Variants in MAP2K6 observed in about 807,000 individuals in gnomAD.
MAP2K6 encodes mitogen-activated protein kinase kinase 6.
Under a neutral mutation model 53.7 loss-of-function variants are expected in MAP2K6, and 16 were observed. The observed-to-expected ratio is 0.30, with a 90% CI of 0.20 to 0.45. The LOEUF (loss-of-function observed/expected upper bound fraction) is 0.45, where lower values mean the gene tolerates loss of function less well. Among genes scored for constraint, MAP2K6 ranks in the 20% least tolerant of loss-of-function variants. The probability of loss-of-function intolerance (pLI) is 1.00; values close to 1 mark genes in which losing one functional copy is unlikely to be tolerated. For missense variants in MAP2K6, 204 were observed against 411.9 expected, an observed-to-expected ratio of 0.50 and a Z score of 4.37; for synonymous variants, 132 against 143.1, an observed-to-expected ratio of 0.92 and a Z score of 0.55.
chr17:69,480,519 A>T (rs143548179), intron 1 of MAP2K6, among the ~76,000 whole-genome samples: 53 of 152,350 alleles, frequency 3.5e-4, no homozygotes, highest in African/African-American at 1.2e-3. Flanking sequence ...CCTTTGGCAT[A>T]CAAGGAGGAA....
At chr17:69,420,274 A>T (rs1438988304) in intron 1 of MAP2K6, among the ~76,000 whole-genome samples, 2 of 152,196 alleles carry the variant, frequency 1.3e-5, no homozygotes, top group East Asian at 3.8e-4. Flanking sequence ...TTTATAAATA[A>T]TTCTTACATA....
intron 1 of MAP2K6, among the ~76,000 whole-genome samples, chr17:69,424,353 G>A (rs1226399717): frequency 6.6e-6 from 1 of 152,162 alleles, no homozygotes; most frequent in Non-Finnish European, 1.5e-5. Context: ...ACAAAGAAGT[G>A]CTAATTTCTA....
chr17:69,455,035 A>T (rs67621296), intron 1 of MAP2K6, among the ~76,000 whole-genome samples: 1,509 of 130,200 alleles, frequency 0.012, 29 homozygotes, highest in African/African-American at 0.036. Context: ...TACTATTATT[A>T]TTTTTTTTTT....
chr17:69,463,342 ATAT>A lies in MAP2K6; in HGVS notation c.17-42433_17-42431del, dbSNP rs1468197441. On this transcript the variant is annotated intron_variant, in intron 1 of 11. Transcript: ENST00000590474. ...TCACTATATAATAGTGAATATATGT[ATAT>A]TATTCACTAATATACATATATGTAT... 2.7e-5 allele frequency among the ~76,000 whole-genome samples: 4 copies of A among 149,830 alleles called. 1 individual carries two copies. Among genetic ancestry groups the A allele is most frequent in the South Asian group, 4.2e-4 (2 of 4,778 alleles).
intron 1 of MAP2K6, among the ~76,000 whole-genome samples, chr17:69,461,789 C>T (rs947002071): frequency 4.6e-5 from 7 of 152,138 alleles, no homozygotes; most frequent in African/African-American, 1.7e-4. Context: ...CCAGCTTCAC[C>T]AGCTTAATAG....
Position 69,548,141 on chromosome 17 carries a change from A to G in MAP2K6, c.*6388A>G, listed in dbSNP as rs1911948452. 6.6e-6 allele frequency: 1 copy of G among 152,068 alleles called. No homozygotes were observed. The highest frequency in any genetic ancestry group is 2.4e-5 in the African/African-American group (1 of 41,400). The allele number at this position is 152,068 out of a possible 1,614,324, so 9.4% of individuals were successfully genotyped here. On this transcript the variant is annotated 3_prime_UTR_variant, in exon 12 of 12. Transcript: ENST00000590474. ...TCACTGCGACAGAAGACTCAGGCCT[A>G]CTCATTTTGTGCTGTCCCACAAAAG...
intron 10 of MAP2K6, among the ~76,000 whole-genome samples, chr17:69,533,478 C>T (rs1424914969): frequency 1.3e-5 from 2 of 152,126 alleles, no homozygotes; most frequent in East Asian, 3.8e-4. Context: ...TGCCTTGGTT[C>T]TGTTGTTGAC....
At chr17:69,418,529 CT>C (rs11314555) in intron 1 of MAP2K6, among the ~76,000 whole-genome samples, 82,984 of 151,692 alleles carry the variant, frequency 0.55, 23,224 homozygotes, top group African/African-American at 0.67. Flanking sequence ...TTCTCTTGGA[CT>C]TTTTTTTTCT....
rs141797289 is a variant in MAP2K6 at position 69,418,439 on chromosome 17, C to T, written c.16+3439C>T. 2.8e-3 allele frequency among the ~76,000 whole-genome samples: 422 copies of T among 152,202 alleles called. 1 individual carries two copies. Among genetic ancestry groups the T allele is most frequent in the Non-Finnish European group, 4.0e-3 (273 of 68,008 alleles). ...AACTTAAAAGAAATTTCATAAATAACCCTTGTTCATTATAGAAACATTTCA... is the reference window on the plus strand; with the variant it reads ...AACTTAAAAGAAATTTCATAAATAATCCTTGTTCATTATAGAAACATTTCA... On this transcript the variant is annotated intron_variant, in intron 1 of 11. Transcript: ENST00000590474.
At chr17:69,510,172 T>G (rs1425956856) in intron 2 of MAP2K6, among the ~76,000 whole-genome samples, 1 of 152,196 alleles carries the variant, frequency 6.6e-6, no homozygotes, top group Non-Finnish European at 1.5e-5. Context: ...GAATGGGTAT[T>G]GAATCTTGTT....
intron 1 of MAP2K6, chr17:69,434,523 G>T (rs1906575428): frequency 6.6e-6 from 1 of 152,074 alleles, no homozygotes; most frequent in East Asian, 1.9e-4. Flanking sequence ...GGAGCTTCTG[G>T]GCCTTTGGAA....
chr17:69,429,418 G>C (rs1487217288), intron 1 of MAP2K6, among the ~76,000 whole-genome samples: 1 of 152,016 alleles, frequency 6.6e-6, no homozygotes, highest in Non-Finnish European at 1.5e-5. Context: ...ACTCCAGCCT[G>C]GGCAACAGGG....
intron 1 of MAP2K6, among the ~76,000 whole-genome samples, chr17:69,460,816 T>C (rs572355738): frequency 3.3e-5 from 5 of 152,132 alleles, no homozygotes; most frequent in Non-Finnish European, 7.4e-5. Flanking sequence ...CTCAGGCTGA[T>C]TTTGAATTCC....
At chr17:69,416,721 A>G (rs1052643563) in intron 1 of MAP2K6, among the ~76,000 whole-genome samples, 2 of 152,220 alleles carry the variant, frequency 1.3e-5, no homozygotes, top group African/African-American at 4.8e-5. Flanking sequence ...AAATCATTAT[A>G]ATACAAGATA....
At chr17:69,522,217 A>G (rs376953214) in intron 7 of MAP2K6, among the ~76,000 whole-genome samples, 100 of 152,314 alleles carry the variant, frequency 6.6e-4, no homozygotes, top group African/African-American at 2.3e-3. Flanking sequence ...TGCCTTCCAC[A>G]GTGTGCCTAT....
intron 1 of MAP2K6, among the ~76,000 whole-genome samples, chr17:69,495,903 C>T (rs1017856033): frequency 6.6e-6 from 1 of 152,026 alleles, no homozygotes; most frequent in Non-Finnish European, 1.5e-5. Flanking sequence ...AGTGAAGCAG[C>T]CCATAAATGA....
intron 1 of MAP2K6, among the ~76,000 whole-genome samples, chr17:69,457,410 T>C (rs7213830): frequency 6.6e-6 from 1 of 152,066 alleles, no homozygotes; most frequent in Non-Finnish European, 1.5e-5. Context: ...TGAATGAACA[T>C]AGGAGCTCAA....
At position 69,547,923 on chromosome 17, in the gene MAP2K6, C is replaced by G. The variant is rs563699091; in HGVS notation, c.*6170C>G. ...CGAACCCAGACACTAGTCAATCTCT[C>G]TATTCCCTGACTTGTACTGAGATTG... On this transcript the variant is annotated 3_prime_UTR_variant, in exon 12 of 12. Transcript: ENST00000590474. The G allele has an allele frequency of 5.3e-5, 8 of 152,192 alleles. No individual in the cohort carries two copies. The South Asian group carries it at 1.7e-3, about 31-fold the overall frequency. The allele number at this position is 152,192 out of a possible 1,614,324, so 9.4% of individuals were successfully genotyped here. A position where few individuals can be genotyped will look rare whatever the true frequency, so the allele number is the denominator to read the frequency against.
intron 1 of MAP2K6, among the ~76,000 whole-genome samples, chr17:69,427,343 G>T (rs912803748): frequency 6.6e-6 from 1 of 152,042 alleles, no homozygotes; most frequent in Non-Finnish European, 1.5e-5. Flanking sequence ...CTGGATATTA[G>T]CAAGGGAGTT....
Sources: allele counts gnomAD v4.1 joint callset (sites outside exome capture counted in the v4.1 genomes callset), GRCh38; gene constraint gnomAD v4.1.1; transcripts MANE v1.5; gene names NCBI Gene and HGNC (gene_info 2026-07-23, HGNC 2026-07-21).